SP1: variants seen among roughly 807,000 people sequenced by gnomAD.
The protein encoded by SP1 is transcription factor Sp1.
SP1 carries 6 observed loss-of-function variants against 66.3 expected under a neutral mutation model. The observed-to-expected ratio is 0.09, with a 90% CI of 0.05 to 0.18. The LOEUF is 0.18. Among genes scored for constraint, SP1 ranks in the 10% least tolerant of loss-of-function variants. The pLI is 1.00. For synonymous variants in SP1, 417 were observed against 360.8 expected (o/e 1.16, Z -1.77); for missense variants, 848 against 964.5 (o/e 0.88, Z 1.60).
intron 3 of SP1, among the ~76,000 whole-genome samples, chr12:53,384,392 C>G (rs951172242): frequency 6.6e-5 from 10 of 151,824 alleles, no homozygotes; most frequent in African/African-American, 2.4e-4. Context: ...TCAAGCGATT[C>G]TCTTGCCTGG....
At chr12:53,382,058 G>C in intron 2 of SP1, 52 bp from the exon 3 acceptor site, 1 of 1,555,706 alleles carries the variant, frequency 6.4e-7, no homozygotes, top group South Asian at 1.1e-5. Flanking sequence ...CTGCCCCCTA[G>C]GCTGGCAGCT....
intron 3 of SP1, among the ~76,000 whole-genome samples, chr12:53,404,043 C>G (rs569686596): frequency 9.2e-5 from 14 of 151,620 alleles, no homozygotes; most frequent in Admixed American, 9.2e-4. Flanking sequence ...TGGTGACGGG[C>G]GCCTGTAGTC....
At position 53,380,218 on chromosome 12, in the gene SP1, G is replaced by A; in HGVS notation, c.-74G>A. ...CGGTCCGGGTTCGCTTGCCTCGTCAGCGTCCGCGTTTTTCCCGGCCCCCCC... is the reference window on the plus strand; with the variant it reads ...CGGTCCGGGTTCGCTTGCCTCGTCAACGTCCGCGTTTTTCCCGGCCCCCCC... On this transcript the variant is annotated 5_prime_UTR_variant, in exon 1 of 6. Coordinates refer to ENST00000327443, the MANE Select transcript of SP1 (RefSeq NM_138473.3). 4.3e-6 allele frequency: 5 copies of A among 1,163,370 alleles called. No individual in the cohort carries two copies. The South Asian group carries it at 6.3e-5, about 15-fold the overall frequency. 72.1% of individuals were successfully genotyped at this position (1,163,370 alleles called of 1,614,324 possible).
chr12:53,393,301 T>TC (rs1938397993), intron 3 of SP1, among the ~76,000 whole-genome samples: 1 of 152,018 alleles, frequency 6.6e-6, no homozygotes, highest in Non-Finnish European at 1.5e-5. Flanking sequence ...TTTCTTTCTT[T>TC]TTTTTCTTTT....
intron 3 of SP1, among the ~76,000 whole-genome samples, chr12:53,404,874 C>T (rs1407755218): frequency 6.6e-6 from 1 of 151,888 alleles, no homozygotes; most frequent in Admixed American, 6.6e-5. Flanking sequence ...CTCGCTCTGT[C>T]GGCCAGGCTG....
In SP1 at chr12:53,412,506, C is replaced by T. The variant is rs1350241137; in HGVS notation, c.*1266C>T. ...GTTCTTTTCCATTGTCAATAAGGAG[C>T]ATCAGCCAGTGAATCTGTTTCAGGT... On this transcript the variant is annotated 3_prime_UTR_variant, in exon 6 of 6. Transcript: ENST00000327443. The T allele has an allele frequency of 6.6e-6, 1 of 152,612 alleles. No individual in the cohort carries two copies. The highest frequency in any genetic ancestry group is 6.6e-5 in the Admixed American group (1 of 15,266). The allele number at this position is 152,612 out of a possible 1,614,324, so 9.5% of individuals were successfully genotyped here. A position where few individuals can be genotyped will look rare whatever the true frequency, so the allele number is the denominator to read the frequency against.
At chr12:53,380,507 G>A in intron 1 of SP1, 1 of 497,796 alleles carries the variant, frequency 2.0e-6, no homozygotes, top group Non-Finnish European at 3.0e-6. Flanking sequence ...CCCGCCCCGG[G>A]GGAGGGGGCA....
At chr12:53,385,150 C>G (rs572558022) in intron 3 of SP1, among the ~76,000 whole-genome samples, 2 of 151,462 alleles carry the variant, frequency 1.3e-5, no homozygotes, top group Non-Finnish European at 2.9e-5. Context: ...AAAAAATTAG[C>G]CAGGCATGGT....
At chr12:53,409,587 AAATAGT>A in intron 5 of SP1, 26 bp downstream of exon 5, 2 of 1,567,584 alleles carry the variant, frequency 1.3e-6, no homozygotes, top group Non-Finnish European at 1.8e-6. Flanking sequence ...TGGGAGAGAA[AAATAGT>A]AATAGACTAG....
Position 53,383,807 on chromosome 12 carries a change from C to T in SP1, c.1675+185C>T, listed in dbSNP as rs76535047. On this transcript the variant is annotated intron_variant, in intron 3 of 5. Coordinates refer to ENST00000327443, the MANE Select transcript of SP1 (RefSeq NM_138473.3). ...TTTGGAACTGAAGTAAAGGAAACTTCTCCAGTTAGTTTGAGGAAGGAGCAC... is the reference window on the plus strand; with the variant it reads ...TTTGGAACTGAAGTAAAGGAAACTTTTCCAGTTAGTTTGAGGAAGGAGCAC... Among the ~76,000 whole-genome samples, 317 of 152,258 alleles carry T rather than the reference C, an allele frequency of 2.1e-3. 1 individual carries two copies. In the East Asian group the frequency reaches 0.022, roughly 11 times the overall value.
chr12:53,391,346 C>CTTTT (rs71068117), intron 3 of SP1, among the ~76,000 whole-genome samples: 13,592 of 97,350 alleles, frequency 0.14, 1,100 homozygotes, highest in East Asian at 0.18. Context: ...TAAGTAATGT[C>CTTTT]TTTTTTTTTT....
Position 53,383,105 on chromosome 12 carries a change from A to G in SP1, c.1158A>G (p.Lys386=). The part of the protein sequence containing the change: ...SGGSLQAGQQ[K]EGEQNQQTQQ... ...GCTCATTGCAAGCAGGCCAGCAAAAAGAAGGAGAGCAAAACCAGCAGACAC... is the reference window on the plus strand; with the variant it reads ...GCTCATTGCAAGCAGGCCAGCAAAAGGAAGGAGAGCAAAACCAGCAGACAC... The change falls in exon 3 of 6, where the codon AAA becomes AAG. Residue 386 remains lysine, a synonymous_variant. Transcript: ENST00000327443. 1 of 1,614,192 alleles carries G rather than the reference A, an allele frequency of 6.2e-7. No individual in the cohort carries two copies. Among genetic ancestry groups the G allele is most frequent in the Non-Finnish European group, 8.5e-7 (1 of 1,180,022 alleles).
chr12:53,406,795 T>A, intron 4 of SP1, 42 bp downstream of exon 4: 1 of 1,532,350 alleles, frequency 6.5e-7, no homozygotes, highest in Non-Finnish European at 8.9e-7. Flanking sequence ...TAAAGAAAAA[T>A]TAATAGATTT....
intron 3 of SP1, among the ~76,000 whole-genome samples, chr12:53,404,019 AAGTT>A (rs1938670797): frequency 6.6e-6 from 1 of 151,454 alleles, no homozygotes; most frequent in Non-Finnish European, 1.5e-5. Flanking sequence ...AAAATACAAA[AAGTT>A]AGCCGGGCGT....
chr12:53,409,684 A>T, intron 5 of SP1, 123 bp downstream of exon 5: 1 of 825,128 alleles, frequency 1.2e-6, no homozygotes, highest in Non-Finnish European at 1.9e-6. Flanking sequence ...TGGGTCACAA[A>T]TGGAATTGGA....
chr12:53,397,742 T>C (rs183426357), intron 3 of SP1, among the ~76,000 whole-genome samples: 1 of 152,038 alleles, frequency 6.6e-6, no homozygotes, highest in East Asian at 1.9e-4. Context: ...TTAGTAGAGA[T>C]AGGGTTTCAC....
At chr12:53,382,025 C>T (rs915542116) in intron 2 of SP1, 85 bp from the exon 3 acceptor site, 33 of 1,338,162 alleles carry the variant, frequency 2.5e-5, no homozygotes, top group African/African-American at 1.5e-4. Context: ...GTCTGCACTA[C>T]GTTGCTGTTT....
chr12:53,383,513 A>T lies in SP1; in HGVS notation c.1566A>T (p.Gln522His), dbSNP rs764454014. ...GCACAGTCACTGTGAATGCTGCTCA[A>T]CTCTCCTCCATGCCAGGCCTCCAGA... ...PAGTVTVNAAQLSSMPGLQTI... is the reference protein window; with the variant it reads ...PAGTVTVNAAHLSSMPGLQTI... The change falls in exon 3 of 6, where the codon CAA becomes CAT. Residue 522 changes from glutamine (Q) to histidine (H), a missense_variant. Transcript: ENST00000327443. 1 of 1,613,870 alleles carries T rather than the reference A, an allele frequency of 6.2e-7. No individual in the cohort carries two copies. Among genetic ancestry groups the T allele is most frequent in the Non-Finnish European group, 8.5e-7 (1 of 1,180,004 alleles).
chr12:53,385,560 A>C (rs754694513), intron 3 of SP1, among the ~76,000 whole-genome samples: 10 of 149,752 alleles, frequency 6.7e-5, no homozygotes, highest in Non-Finnish European at 1.5e-4. Flanking sequence ...GCGCCACTGC[A>C]CTCCAGCCTG....
Sources: gnomAD v4.1 joint callset for allele counts (sites outside exome capture counted in the v4.1 genomes callset) on GRCh38, gnomAD v4.1.1 for gene constraint, MANE v1.5 for transcripts, NCBI Gene and HGNC (gene_info 2026-07-23, HGNC 2026-07-21) for gene names.